Variants in TSBP1 observed in about 807,000 individuals in gnomAD.
TSBP1 encodes testis-expressed basic protein 1.
In TSBP1, 56 loss-of-function variants were observed where a neutral mutation model predicts 68.8. That is an observed-to-expected ratio of 0.81 (90% CI 0.66 to 1.02). TSBP1 has a LOEUF of 1.02. TSBP1 is among the 50% of genes least tolerant of loss of function. The pLI is 0.00. For missense variants in TSBP1, 502 were observed against 641.2 expected, an observed-to-expected ratio of 0.78 and a Z score of 2.34; for synonymous variants, 171 against 208.7, an observed-to-expected ratio of 0.82 and a Z score of 1.56.
chr6:32,298,030 T>C (rs997711460), intron 22 of TSBP1, among the ~76,000 whole-genome samples: 7 of 152,208 alleles, frequency 4.6e-5, no homozygotes, highest in African/African-American at 1.7e-4. Flanking sequence ...AAAATTAGTA[T>C]TCATTAAAAA....
chr6:32,308,498 T>C (rs28366178), intron 19 of TSBP1, among the ~76,000 whole-genome samples: 20,770 of 145,536 alleles, frequency 0.14, 1,627 homozygotes, highest in Admixed American at 0.18. Flanking sequence ...CTTGGGAGGC[T>C]GAGGCAGGAG....
chr6:32,365,721 G>C lies in TSBP1; in HGVS notation c.217+446C>G. The C allele has an allele frequency of 2.4e-6, 1 of 424,162 alleles. No individual in the cohort carries two copies. Among genetic ancestry groups the C allele is most frequent in the Non-Finnish European group, 4.7e-6 (1 of 211,416 alleles). The allele number at this position is 424,162 out of a possible 1,614,324, so 26.3% of individuals were successfully genotyped here. On this transcript the variant is annotated intron_variant, in intron 6 of 22. Transcript: ENST00000612031. The surrounding 1 kb of genome is among the most constrained non-coding windows in gnomAD (Gnocchi z 4.3). The stretch of plus-strand genomic sequence containing the variant: ...CATTGAGTTGTGCCACCTTGGGGGA[G>C]GAGTGATGTGGGTAAAGTGAAACTG...
At chr6:32,322,056 C>A (rs528285146) in intron 18 of TSBP1, among the ~76,000 whole-genome samples, 1 of 152,292 alleles carries the variant, frequency 6.6e-6, no homozygotes, top group South Asian at 2.1e-4. Flanking sequence ...GCATTTTTAA[C>A]CTTGACAGGA....
chr6:32,318,286 G>C (rs1029621071), intron 18 of TSBP1, among the ~76,000 whole-genome samples: 2 of 152,104 alleles, frequency 1.3e-5, no homozygotes, highest in African/African-American at 4.8e-5. Flanking sequence ...ACAGGCACTG[G>C]GGCTTATTGA....
In TSBP1 at chr6:32,314,143, A is replaced by T. The variant is rs1033346641; in HGVS notation, c.580+1629T>A. On this transcript the variant is annotated intron_variant, in intron 19 of 22. Coordinates refer to ENST00000612031, the Ensembl canonical transcript of TSBP1. The surrounding 1 kb of genome is among the most constrained non-coding windows in gnomAD (Gnocchi z 4.2). Reference sequence around the variant, plus strand: ...ATTCCATTTCTGCTCCTTGGAAATCACTCTTACCCTCCTTCTTTATGCTTA... The same window carrying T: ...ATTCCATTTCTGCTCCTTGGAAATCTCTCTTACCCTCCTTCTTTATGCTTA... Among the ~76,000 whole-genome samples the T allele has an allele frequency of 6.6e-6, 1 of 151,266 alleles. No homozygotes were observed. The highest frequency in any genetic ancestry group is 1.5e-5 in the Non-Finnish European group (1 of 67,840).
At chr6:32,308,819 C>T (rs1274143024) in intron 19 of TSBP1, among the ~76,000 whole-genome samples, 2 of 151,920 alleles carry the variant, frequency 1.3e-5, no homozygotes, top group Admixed American at 1.3e-4. Context: ...GTACATCTGA[C>T]CTTTTGTCAA....
rs114094496 is a variant in TSBP1 at position 32,343,339 on chromosome 6, T to G, written c.350-3701A>C. Reference sequence around the variant, plus strand: ...TTCCCAAAAGTCTTCCCAGAAATAGTGTCCTCCCTCAGGTTATTAGACTTT... The same window carrying G: ...TTCCCAAAAGTCTTCCCAGAAATAGGGTCCTCCCTCAGGTTATTAGACTTT... On this transcript the variant is annotated intron_variant, in intron 9 of 22. Coordinates refer to ENST00000612031, the Ensembl canonical transcript of TSBP1. This position sits in a 1 kb window ranked among gnomAD's most constrained non-coding sequence, Gnocchi z 4.3. 62 of 849,252 alleles carry G rather than the reference T, an allele frequency of 7.3e-5. No homozygotes were observed. In the African/African-American group the frequency reaches 1.1e-3, roughly 15 times the overall value. 52.6% of individuals were successfully genotyped at this position (849,252 alleles called of 1,614,324 possible).
intron 16 of TSBP1, among the ~76,000 whole-genome samples, chr6:32,328,855 C>T (rs1338443433): frequency 2.0e-5 from 3 of 152,058 alleles, no homozygotes; most frequent in Non-Finnish European, 4.4e-5. Context: ...CTGGCCCTGG[C>T]CTCATTTTCT....
chr6:32,311,429 A>G (rs988267307), intron 19 of TSBP1, among the ~76,000 whole-genome samples: 16 of 152,166 alleles, frequency 1.1e-4, no homozygotes, highest in Admixed American at 7.9e-4. Context: ...GCTGAGGAAA[A>G]AGAGGTTATA....
At chr6:32,324,309 GA>G in intron 16 of TSBP1, 1 of 364,382 alleles carries the variant, frequency 2.7e-6, no homozygotes, top group Non-Finnish European at 5.2e-6. Flanking sequence ...AAGGGTTACA[GA>G]AACTTCTTAT....
intron 15 of TSBP1, 121 bp downstream of exon 16, chr6:32,331,913 G>A (rs921761542): frequency 2.6e-6 from 2 of 772,840 alleles, no homozygotes; most frequent in East Asian, 2.5e-5. Flanking sequence ...ATGGGGAAAT[G>A]AAAGTCTAAG....
At chr6:32,367,253 GAGAGAGAGAGAA>G (rs1773851649) in intron 4 of TSBP1, among the ~76,000 whole-genome samples, 1 of 151,592 alleles carries the variant, frequency 6.6e-6, no homozygotes, top group Non-Finnish European at 1.5e-5. Flanking sequence ...AAGAGAGAGA[GAGAGAGAGAGAA>G]AGAGAGAGAG....
chr6:32,348,479 T>TTTTGTATGTTTGTTTTAGAA (rs780708414), intron 9 of TSBP1, among the ~76,000 whole-genome samples: 14 of 130,536 alleles, frequency 1.1e-4, no homozygotes, highest in South Asian at 2.4e-4. Context: ...TATTTTATAT[T>TTTTGTATGTTTGTTTTAGAA]AATTTACATT....
rs1769739986 is a variant in TSBP1 at position 32,336,904 on chromosome 6, C to T, written c.410-269G>A. Among the ~76,000 whole-genome samples, 1 of 152,132 alleles carries T rather than the reference C, an allele frequency of 6.6e-6. No homozygotes were observed. Among genetic ancestry groups the T allele is most frequent in the African/African-American group, 2.4e-5 (1 of 41,432 alleles). ...TTTTAAACATGAATTATTTGGCTTT[C>T]CCTTGTCCTAAACTCAGTAGCAATT... is the stretch of plus-strand genomic sequence containing the variant. On this transcript the variant is annotated intron_variant, in intron 11 of 22. Transcript: ENST00000612031. The surrounding 1 kb of genome is among the most constrained non-coding windows in gnomAD (Gnocchi z 5.2).
intron 3 of TSBP1, 79 bp from the exon 4 acceptor site, chr6:32,368,036 TA>T: frequency 8.7e-7 from 1 of 1,146,078 alleles, no homozygotes; most frequent in South Asian, 1.3e-5. Context: ...AGAACTAATG[TA>T]AACATGAACT....
chr6:32,365,219 C>T lies in TSBP1; in HGVS notation c.217+948G>A, dbSNP rs9268357. 2.4e-6 allele frequency: 1 copy of T among 421,804 alleles called. No homozygotes were observed. The allele number at this position is 421,804 out of a possible 1,614,324, so 26.1% of individuals were successfully genotyped here. On this transcript the variant is annotated intron_variant, in intron 6 of 22. Transcript: ENST00000612031. This position sits in a 1 kb window ranked among gnomAD's most constrained non-coding sequence, Gnocchi z 4.3. The stretch of plus-strand genomic sequence containing the variant: ...GATGGGATTTCTAAGATTGTGCTTT[C>T]TCTCAATCCTGCAAAGCCAGTCCAG...
intron 8 of TSBP1, among the ~76,000 whole-genome samples, chr6:32,351,073 G>T (rs1418678799): frequency 6.6e-6 from 1 of 152,134 alleles, no homozygotes; most frequent in African/African-American, 2.4e-5. Context: ...AATTTGTGTT[G>T]TTTTAAGCCA....
chr6:32,317,612 G>C (rs1292217210), intron 18 of TSBP1, among the ~76,000 whole-genome samples: 1 of 152,046 alleles, frequency 6.6e-6, no homozygotes, highest in Admixed American at 6.6e-5. Context: ...AAATTTACAA[G>C]ACAAAAACAA....
Position 32,314,986 on chromosome 6 carries a change from G to T in TSBP1, c.580+786C>A, listed in dbSNP as rs763690558. The stretch of plus-strand genomic sequence containing the variant: ...CCTCAACTCGCTCATTTACTGACCT[G>T]CCTGGGCTCTTTTGGCATCTGCGTT... On this transcript the variant is annotated intron_variant, in intron 19 of 22. Transcript: ENST00000612031. The surrounding 1 kb of genome is among the most constrained non-coding windows in gnomAD (Gnocchi z 4.2). Among the ~76,000 whole-genome samples, 1 of 152,134 alleles carries T rather than the reference G, an allele frequency of 6.6e-6. No individual in the cohort carries two copies.
Sources: allele counts gnomAD v4.1 joint callset (sites outside exome capture counted in the v4.1 genomes callset), GRCh38; gene constraint gnomAD v4.1.1; non-coding constraint Gnocchi (gnomAD v3.1); transcripts MANE v1.5; gene names NCBI Gene and HGNC (gene_info 2026-07-23, HGNC 2026-07-21).